Variants in HSF2BP observed in about 807,000 individuals in gnomAD.
HSF2BP encodes the protein heat shock factor 2-binding protein.
In HSF2BP, 35 loss-of-function variants were observed where a neutral mutation model predicts 35.0. The ratio of observed to expected loss-of-function variants is 1.00; its 90% CI spans 0.76 to 1.32. The LOEUF is 1.32. Among genes scored for constraint, HSF2BP ranks in the 40% most tolerant of loss-of-function variants. HSF2BP has a pLI of 0.00. For missense variants in HSF2BP, 326 were observed against 321.7 expected, an observed-to-expected ratio of 1.01 and a Z score of -0.10; for synonymous variants, 114 against 117.4, an observed-to-expected ratio of 0.97 and a Z score of 0.18.
chr21:43,587,215 G>A (rs2081863000), intron 8 of HSF2BP, among the ~76,000 whole-genome samples: 1 of 152,034 alleles, frequency 6.6e-6, no homozygotes, highest in South Asian at 2.1e-4. Context: ...CATAACTCAG[G>A]AGTCAAACAT....
intron 4 of HSF2BP, among the ~76,000 whole-genome samples, chr21:43,638,472 A>G (rs2082594184): frequency 6.6e-6 from 1 of 152,184 alleles, no homozygotes. Context: ...CCACATTTCT[A>G]TGTGCTAATT....
chr21:43,604,560 C>T (rs1479620418), intron 7 of HSF2BP, among the ~76,000 whole-genome samples: 1 of 144,078 alleles, frequency 6.9e-6, no homozygotes, highest in Non-Finnish European at 1.5e-5. Flanking sequence ...ACCCCACACA[C>T]ATTGCACACA....
At chr21:43,622,736 T>C (rs898738234) in intron 6 of HSF2BP, among the ~76,000 whole-genome samples, 7 of 152,076 alleles carry the variant, frequency 4.6e-5, no homozygotes, top group Admixed American at 4.6e-4. Flanking sequence ...GACTTCAACA[T>C]TCCACTCTCA....
chr21:43,575,986 C>T (rs571021371), intron 8 of HSF2BP, among the ~76,000 whole-genome samples: 1 of 152,128 alleles, frequency 6.6e-6, no homozygotes, highest in East Asian at 1.9e-4. Context: ...GGTGTGGTGG[C>T]GTGCGCCTGT....
chr21:43,625,171 G>C (rs9981790), intron 6 of HSF2BP, among the ~76,000 whole-genome samples: 90,471 of 151,848 alleles, frequency 0.6, 27,354 homozygotes, highest in East Asian at 0.79. Context: ...TCTTTCCGGG[G>C]GCAGAGGGAG....
intron 7 of HSF2BP, among the ~76,000 whole-genome samples, chr21:43,596,856 T>C (rs2081992505): frequency 6.9e-6 from 1 of 144,138 alleles, no homozygotes; most frequent in South Asian, 2.2e-4. Context: ...CACTGCACTC[T>C]GGCCTGCGTG....
In HSF2BP at chr21:43,658,202, GC is replaced by G; in HGVS notation, c.-107del. ...CCACGCCGGGGGTCGGGAACGGAGA[GC>G]CGCCAGGCCCAAACCTCCCAGAATT... On this transcript the variant is annotated 5_prime_UTR_variant, in exon 2 of 9. Transcript: ENST00000291560. The G allele has an allele frequency of 7.7e-7, 1 of 1,306,112 alleles. No homozygotes were observed. Among genetic ancestry groups the G allele is most frequent in the African/African-American group, 1.5e-5 (1 of 65,696 alleles). The allele number at this position is 1,306,112 out of a possible 1,614,324, so 80.9% of individuals were successfully genotyped here.
At chr21:43,631,409 T>A (rs890019779) in intron 5 of HSF2BP, among the ~76,000 whole-genome samples, 38 of 152,162 alleles carry the variant, frequency 2.5e-4, no homozygotes, top group African/African-American at 8.7e-4. Flanking sequence ...ACAGCTCTCA[T>A]ACATGTTCCT....
chr21:43,578,521 T>C (rs2081675520), intron 8 of HSF2BP, among the ~76,000 whole-genome samples: 1 of 152,116 alleles, frequency 6.6e-6, no homozygotes. Flanking sequence ...ATGGTGTCCA[T>C]TCTACACAGA....
intron 5 of HSF2BP, 36 bp from the exon 6 acceptor site, chr21:43,630,490 A>G: frequency 3.1e-6 from 5 of 1,594,112 alleles, no homozygotes; most frequent in Non-Finnish European, 4.3e-6. Context: ...ATATCTTTTT[A>G]CAGACACTAG....
At chr21:43,601,630 T>G (rs2082053465) in intron 7 of HSF2BP, among the ~76,000 whole-genome samples, 1 of 152,148 alleles carries the variant, frequency 6.6e-6, no homozygotes. Context: ...ATCTACCAAT[T>G]TATAACTCAA....
chr21:43,642,795 C>CTTTTTTTTTTTTTTTTT (rs869086487), intron 4 of HSF2BP, among the ~76,000 whole-genome samples: 1 of 92,128 alleles, frequency 1.1e-5, no homozygotes, highest in Non-Finnish European at 2.1e-5. Context: ...GGCTTCTTTT[C>CTTTTTTTTTTTTTTTTT]TTTTTTTTTT....
At position 43,591,032 on chromosome 21, in the gene HSF2BP, A is replaced by T. The variant is rs186301054; in HGVS notation, c.796+1193T>A. Among the ~76,000 whole-genome samples, 251 of 152,346 alleles carry T rather than the reference A, an allele frequency of 1.6e-3. 2 individuals carry two copies. The highest frequency in any genetic ancestry group is 5.7e-3 in the African/African-American group (239 of 41,592). ...TTACACATCAATAAAGCTATTTTTT[A>T]AAAAAGCATTCACCACCAAATGGAA... On this transcript the variant is annotated intron_variant, in intron 8 of 8. Coordinates refer to ENST00000291560, the MANE Select transcript of HSF2BP (RefSeq NM_007031.2).
At chr21:43,657,093 C>T (rs891205282) in intron 2 of HSF2BP, among the ~76,000 whole-genome samples, 2 of 152,104 alleles carry the variant, frequency 1.3e-5, no homozygotes, top group Non-Finnish European at 2.9e-5. Flanking sequence ...CCAGGAGGCC[C>T]GGCGCAGTGG....
intron 6 of HSF2BP, among the ~76,000 whole-genome samples, chr21:43,614,837 A>G (rs530234729): frequency 1.3e-5 from 2 of 152,358 alleles, no homozygotes; most frequent in African/African-American, 2.4e-5. Context: ...TATTCAATCT[A>G]TATTTGCTAA....
At chr21:43,655,205 C>G (rs2082849936) in intron 3 of HSF2BP, among the ~76,000 whole-genome samples, 1 of 152,304 alleles carries the variant, frequency 6.6e-6, no homozygotes, top group African/African-American at 2.4e-5. Context: ...CTGGTGTATG[C>G]CTATTTACCT....
chr21:43,586,968 T>A (rs2081859172), intron 8 of HSF2BP, among the ~76,000 whole-genome samples: 1 of 152,144 alleles, frequency 6.6e-6, no homozygotes, highest in African/African-American at 2.4e-5. Context: ...TATATTTTCA[T>A]AAACTAGATC....
chr21:43,596,536 T>C (rs1347593824), intron 7 of HSF2BP, among the ~76,000 whole-genome samples: 1 of 151,890 alleles, frequency 6.6e-6, no homozygotes, highest in Non-Finnish European at 1.5e-5. Context: ...TTAAGGGGAA[T>C]GGAAAGCAGC....
chr21:43,658,410 A>T lies in HSF2BP; in HGVS notation c.-224-90T>A. ...TTTCCTGTTTGGCGAGGAATGCTAC[A>T]CTAAGGGGGACTGCGTTCAAATGGG... On this transcript the variant is annotated intron_variant, in intron 1 of 8. Transcript: ENST00000291560. 8 of 370,726 alleles carry T rather than the reference A, an allele frequency of 2.2e-5. 1 individual carries two copies. In the South Asian group the frequency reaches 4.1e-4, roughly 19 times the overall value. The allele number at this position is 370,726 out of a possible 1,614,324, so 23.0% of individuals were successfully genotyped here.
Sources: gnomAD v4.1 joint callset for allele counts (sites outside exome capture counted in the v4.1 genomes callset) on GRCh38, gnomAD v4.1.1 for gene constraint, MANE v1.5 for transcripts, NCBI Gene and HGNC (gene_info 2026-07-23, HGNC 2026-07-21) for gene names.